Variants in VRK2 observed in about 807,000 individuals in gnomAD.
The protein encoded by VRK2 is serine/threonine-protein kinase VRK2.
Under a neutral mutation model 57.6 loss-of-function variants are expected in VRK2, and 60 were observed. The observed-to-expected ratio is 1.04, with a 90% CI of 0.85 to 1.29. VRK2 has a LOEUF of 1.29. Ranked by LOEUF, VRK2 falls within the 50% of genes most tolerant of loss-of-function variation. The pLI is 0.00. For synonymous variants in VRK2, 231 were observed against 199.2 expected (o/e 1.16, Z -1.35); for missense variants, 705 against 588.1 (o/e 1.20, Z -2.06).
chr2:58,147,366 TTTG>T (rs1354341505), intron 12 of VRK2, among the ~76,000 whole-genome samples: 1 of 152,002 alleles, frequency 6.6e-6, no homozygotes, highest in East Asian at 1.9e-4. Flanking sequence ...AGTGGCATTA[TTTG>T]TTGTTTCATT....
chr2:57,912,881 G>C (rs1050468231), intron 1 of VRK2, among the ~76,000 whole-genome samples: 8 of 152,090 alleles, frequency 5.3e-5, no homozygotes. Context: ...GGGGACTTTG[G>C]GACATGATGG....
intron 1 of VRK2, among the ~76,000 whole-genome samples, chr2:57,980,870 T>C (rs977157441): frequency 6.6e-6 from 1 of 152,208 alleles, no homozygotes; most frequent in African/African-American, 2.4e-5. Flanking sequence ...TTTTTTTCTT[T>C]TCTGTTTGCT....
intron 1 of VRK2, among the ~76,000 whole-genome samples, chr2:57,957,330 A>C (rs1485135795): frequency 6.6e-6 from 1 of 152,018 alleles, no homozygotes; most frequent in African/African-American, 2.4e-5. Context: ...CTCATATTTC[A>C]GGGTCATACT....
intron 1 of VRK2, among the ~76,000 whole-genome samples, chr2:57,989,669 C>T (rs1478853680): frequency 5.9e-5 from 9 of 152,078 alleles, no homozygotes; most frequent in Non-Finnish European, 1.5e-5. Context: ...TAACTCAGAG[C>T]TTAAGAAAAT....
chr2:58,053,698 T>A (rs1228800247), intron 2 of VRK2, among the ~76,000 whole-genome samples: 1 of 152,174 alleles, frequency 6.6e-6, no homozygotes, highest in Non-Finnish European at 1.5e-5. Flanking sequence ...AGTAGTGTGT[T>A]GGAATACATA....
chr2:58,006,746 G>T (rs141825981), intron 1 of VRK2, among the ~76,000 whole-genome samples: 219 of 152,268 alleles, frequency 1.4e-3, no homozygotes, highest in African/African-American at 4.8e-3. Flanking sequence ...GCCTTGAACT[G>T]ACCTATGGCA....
chr2:57,913,427 A>AT (rs932276682), intron 1 of VRK2, among the ~76,000 whole-genome samples: 6 of 151,988 alleles, frequency 3.9e-5, no homozygotes, highest in South Asian at 2.1e-4. Context: ...ATTATTAGCA[A>AT]TTTTTTTTAT....
rs761704892 is a variant in VRK2, at chr2:58,159,813, A to G, written c.*120A>G. 3.7e-6 allele frequency: 6 copies of G among 1,611,786 alleles called. No homozygotes were observed. The African/African-American group carries it at 6.7e-5, about 18-fold the overall frequency. ...TTAAGGTAATTGGCTTTAAAAAGAG[A>G]ACATATTTTAACAAAGTTTGTGGAC... On this transcript the variant is annotated 3_prime_UTR_variant, in exon 13 of 13. Transcript: ENST00000340157.
chr2:58,134,543 G>A (rs894277858), intron 9 of VRK2, among the ~76,000 whole-genome samples: 9 of 150,528 alleles, frequency 6.0e-5, no homozygotes, highest in Non-Finnish European at 7.4e-5. Context: ...CCCGGGAAGC[G>A]GAGCTTGCAG....
At chr2:57,948,824 A>T (rs1377906800) in intron 1 of VRK2, among the ~76,000 whole-genome samples, 1 of 152,068 alleles carries the variant, frequency 6.6e-6, no homozygotes, top group Non-Finnish European at 1.5e-5. Flanking sequence ...AGAGACACAA[A>T]ATGAGTATTT....
At chr2:58,014,555 T>C (rs573830094) in intron 1 of VRK2, among the ~76,000 whole-genome samples, 4 of 152,336 alleles carry the variant, frequency 2.6e-5, no homozygotes, top group East Asian at 1.9e-4. Context: ...ACCACTTCTG[T>C]TGAATAATCC....
At chr2:58,072,830 T>C (rs1414546587) in intron 2 of VRK2, among the ~76,000 whole-genome samples, 1 of 151,990 alleles carries the variant, frequency 6.6e-6, no homozygotes, top group Non-Finnish European at 1.5e-5. Context: ...AGAGAATTGG[T>C]ATTATTTCTT....
chr2:58,022,216 C>T (rs1287484818), intron 1 of VRK2, among the ~76,000 whole-genome samples: 3 of 152,190 alleles, frequency 2.0e-5, no homozygotes, highest in Non-Finnish European at 4.4e-5. Context: ...TGCACCCAGA[C>T]AATGACTGAG....
chr2:58,136,963 A>G (rs1312320583), intron 10 of VRK2, among the ~76,000 whole-genome samples: 1 of 133,390 alleles, frequency 7.5e-6, no homozygotes, highest in Non-Finnish European at 1.5e-5. Flanking sequence ...ATGTGTATAT[A>G]TATCATATAT....
intron 1 of VRK2, among the ~76,000 whole-genome samples, chr2:58,002,226 A>G (rs1015090851): frequency 6.6e-6 from 1 of 152,222 alleles, no homozygotes; most frequent in African/African-American, 2.4e-5. Context: ...CACGCCTGTA[A>G]TCCCAGCACT....
At chr2:58,128,149 C>A (rs1233891239) in intron 8 of VRK2, among the ~76,000 whole-genome samples, 2 of 152,254 alleles carry the variant, frequency 1.3e-5, no homozygotes, top group East Asian at 3.9e-4. Context: ...AAAATTTGGT[C>A]AGTGCTGCAG....
chr2:58,080,067 G>C (rs1487511820), intron 2 of VRK2, among the ~76,000 whole-genome samples: 1 of 151,814 alleles, frequency 6.6e-6, no homozygotes, highest in Non-Finnish European at 1.5e-5. Flanking sequence ...TAGGTGCTTG[G>C]AACACATCTG....
upstream of VRK2, among the ~76,000 whole-genome samples, chr2:58,042,276 A>G (rs1317891773): frequency 1.3e-5 from 2 of 152,234 alleles, no homozygotes; most frequent in African/African-American, 4.8e-5. Flanking sequence ...AAGAATGCAG[A>G]GGACATAGAT....
At chr2:57,930,558 T>C (rs991991039) in intron 1 of VRK2, among the ~76,000 whole-genome samples, 3 of 152,228 alleles carry the variant, frequency 2.0e-5, no homozygotes, top group Non-Finnish European at 4.4e-5. Flanking sequence ...TTAGTGGTTA[T>C]AAAGGTGCAT....
Sources: allele counts gnomAD v4.1 joint callset (sites outside exome capture counted in the v4.1 genomes callset), GRCh38; gene constraint gnomAD v4.1.1; transcripts MANE v1.5; gene names NCBI Gene and HGNC (gene_info 2026-07-23, HGNC 2026-07-21).